IKZF3: variants seen among roughly 807,000 people sequenced by gnomAD.
IKZF3 encodes IKAROS family zinc finger 3.
IKZF3 carries 10 observed loss-of-function variants against 49.0 expected under a neutral mutation model. The observed-to-expected ratio is 0.20, with a 90% CI of 0.13 to 0.35. The LOEUF (loss-of-function observed/expected upper bound fraction) is 0.35. Ranked by LOEUF, IKZF3 falls within the 10% of genes least tolerant of loss-of-function variation. IKZF3 has a pLI of 1.00. For synonymous variants in IKZF3, 209 were observed against 228.2 expected (o/e 0.92, Z 0.76); for missense variants, 498 against 664.8 (o/e 0.75, Z 2.76).
At chr17:39,850,734 T>C (rs1446105866) in intron 1 of IKZF3, among the ~76,000 whole-genome samples, 2 of 44,624 alleles carry the variant, frequency 4.5e-5, no homozygotes, top group Non-Finnish European at 8.7e-5. Flanking sequence ...ACATATATAA[T>C]AGGCTATATA....
chr17:39,779,915 T>C (rs984223241), intron 6 of IKZF3, among the ~76,000 whole-genome samples: 1 of 152,144 alleles, frequency 6.6e-6, no homozygotes, highest in Non-Finnish European at 1.5e-5. Context: ...AAAAAGCAAG[T>C]AGTGGCTGGC....
intron 1 of IKZF3, among the ~76,000 whole-genome samples, chr17:39,856,362 C>T (rs2063058657): frequency 6.6e-6 from 1 of 152,012 alleles, no homozygotes; most frequent in African/African-American, 2.4e-5. Context: ...AATCTCCACT[C>T]ACTGCAACCT....
chr17:39,772,951 G>T (rs1327838148), intron 7 of IKZF3, among the ~76,000 whole-genome samples: 1 of 152,046 alleles, frequency 6.6e-6, no homozygotes, highest in East Asian at 1.9e-4. Context: ...AAATAGTTGG[G>T]ATTACAGGCA....
At chr17:39,815,248 CAA>C (rs912538114) in intron 3 of IKZF3, among the ~76,000 whole-genome samples, 10 of 152,204 alleles carry the variant, frequency 6.6e-5, no homozygotes, top group African/African-American at 2.4e-4. Flanking sequence ...AGGACTGAAA[CAA>C]AAAGTCGCAA....
chr17:39,827,268 A>C (rs2061981839), intron 3 of IKZF3, among the ~76,000 whole-genome samples: 1 of 151,560 alleles, frequency 6.6e-6, no homozygotes, highest in South Asian at 2.1e-4. Context: ...AAGTGCTGGG[A>C]TTACAGGTGT....
chr17:39,817,986 T>C (rs903940022), intron 3 of IKZF3, among the ~76,000 whole-genome samples: 3 of 152,194 alleles, frequency 2.0e-5, no homozygotes, highest in Non-Finnish European at 2.9e-5. Context: ...ATTTCATCAT[T>C]ATGCAAACAT....
intron 6 of IKZF3, among the ~76,000 whole-genome samples, chr17:39,784,546 G>A (rs1369457718): frequency 1.3e-5 from 2 of 152,090 alleles, no homozygotes; most frequent in Admixed American, 1.3e-4. Flanking sequence ...TGGGACTACA[G>A]GTGAGCACCA....
intron 3 of IKZF3, among the ~76,000 whole-genome samples, chr17:39,793,400 G>C (rs1433917261): frequency 1.3e-5 from 2 of 152,186 alleles, no homozygotes; most frequent in Non-Finnish European, 2.9e-5. Flanking sequence ...AAGATTAAGA[G>C]TTGACTAGTT....
chr17:39,769,716 T>A (rs755043207), intron 7 of IKZF3, among the ~76,000 whole-genome samples: 7 of 152,154 alleles, frequency 4.6e-5, no homozygotes, highest in African/African-American at 1.7e-4. Context: ...ATACCAGGGG[T>A]CCTTGAGAAA....
intron 1 of IKZF3, chr17:39,835,776 T>A: frequency 1.9e-6 from 1 of 513,188 alleles, no homozygotes; most frequent in Non-Finnish European, 3.8e-6. Flanking sequence ...TAAGACTCCA[T>A]CCAGCTCCAC....
At chr17:39,836,473 G>C (rs993495799) in intron 1 of IKZF3, among the ~76,000 whole-genome samples, 5 of 152,200 alleles carry the variant, frequency 3.3e-5, no homozygotes, top group African/African-American at 1.2e-4. Context: ...TCAATAAGTA[G>C]TGGAGAAACT....
At chr17:39,839,305 A>G (rs1427056672) in intron 1 of IKZF3, 1 of 464,032 alleles carries the variant, frequency 2.2e-6, no homozygotes, top group Non-Finnish European at 4.0e-6. Context: ...TTTCAGCTTG[A>G]TATGGTAACA....
chr17:39,829,377 T>G lies in IKZF3; in HGVS notation c.163+10A>C. On this transcript the variant is annotated intron_variant, in intron 3 of 7. Coordinates refer to ENST00000346872, the MANE Select transcript of IKZF3 (RefSeq NM_012481.5). ...AGGCATCAGTGTTTAGTCTGCACAC[T>G]ACGGCTCACCTCCTATGTCTTCATC... is the stretch of plus-strand genomic sequence containing the variant. 1 of 1,594,968 alleles carries G rather than the reference T, an allele frequency of 6.3e-7. No individual in the cohort carries two copies. The highest frequency in any genetic ancestry group is 1.1e-5 in the South Asian group (1 of 90,698).
At chr17:39,850,864 T>C (rs1410816548) in intron 1 of IKZF3, among the ~76,000 whole-genome samples, 2 of 98,968 alleles carry the variant, frequency 2.0e-5, no homozygotes, top group Non-Finnish European at 2.2e-5. Flanking sequence ...TGCTCTATAG[T>C]ATATATACAT....
rs1000819925 is a variant in IKZF3 at position 39,767,871 on chromosome 17, C to T, written c.827-1378G>A. The stretch of plus-strand genomic sequence containing the variant: ...TGAGCCCAGGAGTTCGAGACCAGCC[C>T]GGGCAACATGGAGGAACCTTGTCTC... On this transcript the variant is annotated intron_variant, in intron 7 of 7. Transcript: ENST00000346872. 7.2e-5 allele frequency among the ~76,000 whole-genome samples: 11 copies of T among 151,804 alleles called. No homozygotes were observed. The South Asian group carries it at 2.1e-3, about 29-fold the overall frequency.
At chr17:39,798,169 T>G (rs1438483665) in intron 3 of IKZF3, among the ~76,000 whole-genome samples, 1 of 152,182 alleles carries the variant, frequency 6.6e-6, no homozygotes, top group Non-Finnish European at 1.5e-5. Flanking sequence ...GATCTACTTA[T>G]TGCTGTAGCC....
intron 1 of IKZF3, among the ~76,000 whole-genome samples, chr17:39,842,747 A>G (rs1568051468): frequency 2.0e-5 from 3 of 152,178 alleles, no homozygotes; most frequent in Admixed American, 2.0e-4. Context: ...GACAGATGGG[A>G]TATTTATATA....
intron 7 of IKZF3, among the ~76,000 whole-genome samples, chr17:39,770,448 C>A (rs986482093): frequency 3.9e-5 from 6 of 152,118 alleles, no homozygotes; most frequent in Non-Finnish European, 8.8e-5. Flanking sequence ...TGTCTTATAT[C>A]TTGGCTTTGT....
chr17:39,854,323 AAAC>A (rs1935942903), intron 1 of IKZF3, among the ~76,000 whole-genome samples: 1 of 152,146 alleles, frequency 6.6e-6, no homozygotes, highest in South Asian at 2.1e-4. Flanking sequence ...TTAAAAAAAA[AAAC>A]AAGCAAGGAA....
Sources: allele counts gnomAD v4.1 joint callset (sites outside exome capture counted in the v4.1 genomes callset), GRCh38; gene constraint gnomAD v4.1.1; transcripts MANE v1.5; gene names NCBI Gene and HGNC (gene_info 2026-07-23, HGNC 2026-07-21).